SETBP1: variants seen among roughly 807,000 people sequenced by gnomAD.
SETBP1 encodes the protein SET-binding protein.
Under a neutral mutation model 101.0 loss-of-function variants are expected in SETBP1, and 9 were observed. That is an observed-to-expected ratio of 0.09 (90% CI 0.05 to 0.16). The LOEUF is 0.16. SETBP1 is among the 10% of genes least tolerant of loss of function. The probability of loss-of-function intolerance (pLI) is 1.00; values close to 1 mark genes in which losing one functional copy is unlikely to be tolerated. For missense variants in SETBP1, 1,858 were observed against 2,033.8 expected (o/e 0.91, Z 1.66); for synonymous variants, 818 against 788.5 (o/e 1.04, Z -0.63).
intron 3 of SETBP1, among the ~76,000 whole-genome samples, chr18:44,943,194 G>T (rs888345838): frequency 1.3e-5 from 2 of 152,148 alleles, no homozygotes; most frequent in Non-Finnish European, 2.9e-5. Context: ...AGCATAAATG[G>T]TAATTTTTCA....
chr18:44,965,284 A>C (rs201371168), intron 4 of SETBP1, among the ~76,000 whole-genome samples: 7 of 147,026 alleles, frequency 4.8e-5, no homozygotes, highest in African/African-American at 2.5e-5. Flanking sequence ...CATGCACACA[A>C]ACACACACAC....
At chr18:44,852,326 C>T (rs1216497068) in intron 2 of SETBP1, among the ~76,000 whole-genome samples, 3 of 152,214 alleles carry the variant, frequency 2.0e-5, no homozygotes, top group Non-Finnish European at 4.4e-5. Context: ...GAGATCTCCT[C>T]ATGGCCCACC....
intron 4 of SETBP1, among the ~76,000 whole-genome samples, chr18:44,963,133 T>C (rs2071646756): frequency 6.6e-6 from 1 of 152,210 alleles, no homozygotes; most frequent in Non-Finnish European, 1.5e-5. Flanking sequence ...GGAATTTTCC[T>C]AGCATCCTCC....
chr18:44,883,300 G>A (rs1233374261), intron 3 of SETBP1, among the ~76,000 whole-genome samples: 1 of 152,180 alleles, frequency 6.6e-6, no homozygotes, highest in Non-Finnish European at 1.5e-5. Flanking sequence ...CTGCCCTCTT[G>A]AGTCTAGGCC....
rs937777366 is a variant in SETBP1 at position 45,047,479 on chromosome 18, G to A, written c.4171+8824G>A. ...TTTCTAGAAGTCTAATTAGATTGTTGGTGTCATGGTGGTGAGATAATTTAG... is the reference window on the plus strand; with the variant it reads ...TTTCTAGAAGTCTAATTAGATTGTTAGTGTCATGGTGGTGAGATAATTTAG... On this transcript the variant is annotated intron_variant, in intron 5 of 5. Transcript: ENST00000649279. 1.1e-4 allele frequency among the ~76,000 whole-genome samples: 16 copies of A among 152,082 alleles called. 1 individual carries two copies. The highest frequency in any genetic ancestry group is 3.6e-4 in the African/African-American group (15 of 41,400).
rs769753030 is a variant in SETBP1, at chr18:44,876,744, A to G, written c.540+7461A>G. 21 of 1,533,030 alleles carry G rather than the reference A, an allele frequency of 1.4e-5. No homozygotes were observed. In the South Asian group the frequency reaches 1.9e-4, roughly 14 times the overall value. The allele number at this position is 1,533,030 out of a possible 1,614,324, so 95.0% of individuals were successfully genotyped here. On this transcript the variant is annotated intron_variant, in intron 3 of 5. Coordinates refer to ENST00000649279, the MANE Select transcript of SETBP1 (RefSeq NM_015559.3). ...ACAGTGAACCTGCAGTCTGGGCACA[A>G]GAAGTATAACTTCGCATGGATTCTG...
intron 4 of SETBP1, among the ~76,000 whole-genome samples, chr18:45,028,246 T>G (rs961595121): frequency 4.0e-5 from 6 of 148,584 alleles, no homozygotes; most frequent in Non-Finnish European, 8.9e-5. Context: ...CACCTATGAG[T>G]GAGAAAATGC....
chr18:45,013,412 C>CTCTTTCTTTCTTTCTT (rs113573331), intron 4 of SETBP1, among the ~76,000 whole-genome samples: 5 of 151,494 alleles, frequency 3.3e-5, no homozygotes, highest in African/African-American at 1.2e-4. Flanking sequence ...CTGTTTCTGA[C>CTCTTTCTTTCTTTCTT]TCTTTCTTTC....
chr18:44,732,446 G>A (rs938085485), intron 2 of SETBP1: 4 of 152,152 alleles, frequency 2.6e-5, no homozygotes, highest in Non-Finnish European at 5.9e-5. Context: ...GTGTCCCGAC[G>A]GATATATAAG....
Position 45,065,301 on chromosome 18 carries a change from C to T in SETBP1, c.*1603C>T, listed in dbSNP as rs2073952251. The T allele has an allele frequency of 1.3e-5, 2 of 152,116 alleles. No individual in the cohort carries two copies. Among genetic ancestry groups the T allele is most frequent in the Admixed American group, 1.3e-4 (2 of 15,270 alleles). 9.4% of individuals were successfully genotyped at this position (152,116 alleles called of 1,614,324 possible). On this transcript the variant is annotated 3_prime_UTR_variant, in exon 6 of 6. Coordinates refer to ENST00000649279, the MANE Select transcript of SETBP1 (RefSeq NM_015559.3). ...GTATTTTCAATTTCCTCCCTCACTCCCTCTTACCTTCCCCAAGACATCAAA... is the reference window on the plus strand; with the variant it reads ...GTATTTTCAATTTCCTCCCTCACTCTCTCTTACCTTCCCCAAGACATCAAA...
intron 2 of SETBP1, among the ~76,000 whole-genome samples, chr18:44,780,082 A>G (rs2071094243): frequency 6.6e-6 from 1 of 152,254 alleles, no homozygotes; most frequent in South Asian, 2.1e-4. Flanking sequence ...GCCTGCTCCC[A>G]GCACGACCTG....
intron 2 of SETBP1, among the ~76,000 whole-genome samples, chr18:44,846,079 G>A (rs1811182430): frequency 6.6e-6 from 1 of 152,150 alleles, no homozygotes; most frequent in African/African-American, 2.4e-5. Context: ...ATTCTTACCT[G>A]TTGCCCATGG....
chr18:44,845,943 C>T (rs557910542), intron 2 of SETBP1, among the ~76,000 whole-genome samples: 5 of 152,320 alleles, frequency 3.3e-5, no homozygotes, highest in African/African-American at 4.8e-5. Flanking sequence ...CTTTGTGTGA[C>T]GCTGTGTCTG....
rs552730329 is a variant in SETBP1 at position 45,008,944 on chromosome 18, C to T, written c.4001-29541C>T. Among the ~76,000 whole-genome samples, 23 of 152,288 alleles carry T rather than the reference C, an allele frequency of 1.5e-4. No individual in the cohort carries two copies. The South Asian group carries it at 4.8e-3, about 32-fold the overall frequency. On this transcript the variant is annotated intron_variant, in intron 4 of 5. Transcript: ENST00000649279. ...GAGGCAGCAGAACAGCTAGTGTCCC[C>T]TTGGCTGTGGAGCAGGACATGGTGC...
intron 2 of SETBP1, among the ~76,000 whole-genome samples, chr18:44,758,604 G>A (rs535839238): frequency 7.4e-4 from 113 of 151,970 alleles, no homozygotes; most frequent in Admixed American, 5.3e-3. Flanking sequence ...GGATGGTCTC[G>A]ATCTCCTGAC....
chr18:44,869,126 G>A, intron 2 of SETBP1, 104 bp from the exon 3 acceptor site: 1 of 1,016,608 alleles, frequency 9.8e-7, no homozygotes, highest in Non-Finnish European at 1.5e-6. Context: ...CACTTCTGTA[G>A]CTCTCATCCA....
chr18:44,825,837 C>T (rs975406437), intron 2 of SETBP1, among the ~76,000 whole-genome samples: 33 of 152,254 alleles, frequency 2.2e-4, no homozygotes, highest in African/African-American at 7.0e-4. Flanking sequence ...CAGAGTAGTG[C>T]GGAATAAGTA....
At chr18:44,867,441 C>G (rs1167524361) in intron 2 of SETBP1, among the ~76,000 whole-genome samples, 1 of 152,228 alleles carries the variant, frequency 6.6e-6, no homozygotes, top group Non-Finnish European at 1.5e-5. Flanking sequence ...CAAGCCCACC[C>G]TGACTGCTCT....
chr18:44,686,358 T>A (rs1014226951), intron 1 of SETBP1, among the ~76,000 whole-genome samples: 3 of 152,218 alleles, frequency 2.0e-5, no homozygotes, highest in African/African-American at 7.2e-5. Flanking sequence ...CTCTGGACAT[T>A]CTGAACATCT....
Sources: gnomAD v4.1 joint callset for allele counts (sites outside exome capture counted in the v4.1 genomes callset) on GRCh38, gnomAD v4.1.1 for gene constraint, MANE v1.5 for transcripts, NCBI Gene and HGNC (gene_info 2026-07-23, HGNC 2026-07-21) for gene names.